The following ARID2 variants were observed in gnomAD, a reference collection of about 807,000 sequenced individuals.
ARID2 encodes the protein AT-rich interactive domain-containing protein 2.
ARID2 carries 32 observed loss-of-function variants against 184.6 expected under a neutral mutation model. The ratio of observed to expected loss-of-function variants is 0.17; its 90% CI spans 0.13 to 0.23. The LOEUF is 0.23. ARID2 is among the 10% of genes least tolerant of loss of function. The pLI, the probability that ARID2 is intolerant of heterozygous loss-of-function variation, is 1.00. For synonymous variants in ARID2, 836 were observed against 772.6 expected (o/e 1.08, Z -1.36); for missense variants, 1,696 against 2,197.6 (o/e 0.77, Z 4.56).
At chr12:45,748,032 G>T (rs1363994839) in intron 3 of ARID2, among the ~76,000 whole-genome samples, 1 of 152,166 alleles carries the variant, frequency 6.6e-6, no homozygotes, top group Non-Finnish European at 1.5e-5. Flanking sequence ...ATATTATACT[G>T]TAGTATATTA....
At chr12:45,830,559 C>T (rs1321038720) in intron 6 of ARID2, among the ~76,000 whole-genome samples, 2 of 152,154 alleles carry the variant, frequency 1.3e-5, no homozygotes, top group Non-Finnish European at 2.9e-5. Context: ...ACTTCATAAA[C>T]TGACCCAGGG....
chr12:45,763,005 G>A (rs1941708466), intron 3 of ARID2, among the ~76,000 whole-genome samples: 1 of 152,172 alleles, frequency 6.6e-6, no homozygotes, highest in African/African-American at 2.4e-5. Flanking sequence ...GGTGCTTATT[G>A]TGTCTTGGAT....
intron 20 of ARID2, among the ~76,000 whole-genome samples, chr12:45,896,861 G>C (rs562406966): frequency 3.4e-4 from 52 of 152,260 alleles, no homozygotes; most frequent in Non-Finnish European, 4.6e-4. Context: ...TTTTCATTTT[G>C]AAGATAAAAC....
At chr12:45,899,605 C>G (rs1425519552) in intron 20 of ARID2, among the ~76,000 whole-genome samples, 1 of 142,042 alleles carries the variant, frequency 7.0e-6, no homozygotes, top group Non-Finnish European at 1.5e-5. Context: ...GATTCCATCT[C>G]AAAATATATA....
chr12:45,789,875 T>G (rs1428274414), intron 3 of ARID2, among the ~76,000 whole-genome samples: 3 of 152,280 alleles, frequency 2.0e-5, no homozygotes, highest in South Asian at 4.1e-4. Flanking sequence ...CTAGCACTTT[T>G]GGATGCCGAG....
intron 3 of ARID2, among the ~76,000 whole-genome samples, chr12:45,745,420 T>C (rs1352823881): frequency 6.6e-6 from 1 of 152,168 alleles, no homozygotes; most frequent in East Asian, 1.9e-4. Context: ...TACTACTGAA[T>C]GATGGAAGGG....
chr12:45,899,515 A>G (rs947454750), intron 20 of ARID2, among the ~76,000 whole-genome samples: 2 of 150,410 alleles, frequency 1.3e-5, no homozygotes, highest in African/African-American at 2.4e-5. Flanking sequence ...CTGAGGCAGG[A>G]GAATGGCGTG....
chr12:45,850,523 T>A lies in ARID2; in HGVS notation c.2400T>A (p.His800Gln), dbSNP rs2138162743. The A allele has an allele frequency of 6.2e-7, 1 of 1,614,078 alleles. No individual in the cohort carries two copies. Among genetic ancestry groups the A allele is most frequent in the East Asian group, 2.2e-5 (1 of 44,874 alleles). The change falls in exon 15 of 21, where the codon CAT becomes CAA. Residue 800 changes from histidine to glutamine, a missense_variant. His to Gln is a conservative substitution (Grantham distance 24). Around this residue, in one of 11 missense-constraint regions of ARID2, gnomAD observed 713 missense variants for 824.4 expected, o/e 0.86. Coordinates refer to ENST00000334344, the MANE Select transcript of ARID2 (RefSeq NM_152641.4). ...TTCAACAAGCTGTCCCACAGAGTCA[T>A]ATGTTTGGCAGAGTACAGAACATAC... ...TVIQQAVPQSHMFGRVQNIPA... is the reference protein window; with the variant it reads ...TVIQQAVPQSQMFGRVQNIPA...
At chr12:45,897,452 A>G (rs1055013250) in intron 20 of ARID2, among the ~76,000 whole-genome samples, 1 of 152,200 alleles carries the variant, frequency 6.6e-6, no homozygotes. Flanking sequence ...TAAAAAGGCA[A>G]CCCATAGAAT....
chr12:45,801,001 A>G (rs1942487500), intron 3 of ARID2, among the ~76,000 whole-genome samples: 1 of 152,210 alleles, frequency 6.6e-6, no homozygotes. Context: ...GTCGAATGCC[A>G]ACTAATAAAT....
Position 45,852,097 on chromosome 12 carries a change from G to A in ARID2, c.3974G>A (p.Gly1325Glu), listed in dbSNP as rs2138175996. ...ETNQCSLISN[G>E]PSLELGENGA... ...AATCAGTGCTCACTAATCAGTAATG[G>A]GCCATCATTGGAATTAGGTGAGAAT... The change falls in exon 15 of 21, where the codon GGG (glycine) becomes GAG (glutamate). Residue 1325 changes from glycine (G) to glutamate (E), a missense_variant. By Grantham distance (98) the Gly-to-Glu change is moderately conservative (BLOSUM62 -2). Coordinates refer to ENST00000334344, the MANE Select transcript of ARID2 (RefSeq NM_152641.4). 1 of 1,614,060 alleles carries A rather than the reference G, an allele frequency of 6.2e-7. No homozygotes were observed. The highest frequency in any genetic ancestry group is 1.1e-5 in the South Asian group (1 of 91,080).
At chr12:45,896,367 CT>C (rs776976462) in intron 20 of ARID2, among the ~76,000 whole-genome samples, 10 of 152,288 alleles carry the variant, frequency 6.6e-5, no homozygotes, top group African/African-American at 9.6e-5. Flanking sequence ...TGCGGTTTGG[CT>C]GTGTCCCCAC....
intron 16 of ARID2, among the ~76,000 whole-genome samples, chr12:45,869,310 C>G (rs986448120): frequency 6.6e-6 from 1 of 152,032 alleles, no homozygotes; most frequent in Admixed American, 6.6e-5. Flanking sequence ...CCACCGTGCC[C>G]GGCCGCGATT....
intron 20 of ARID2, among the ~76,000 whole-genome samples, chr12:45,897,989 G>A (rs1944391827): frequency 2.0e-5 from 3 of 151,818 alleles, no homozygotes; most frequent in South Asian, 4.2e-4. Context: ...GTAGAGACGA[G>A]GTCTCACCAT....
intron 10 of ARID2, among the ~76,000 whole-genome samples, chr12:45,838,582 T>C (rs1943264679): frequency 6.6e-6 from 1 of 151,994 alleles, no homozygotes; most frequent in East Asian, 1.9e-4. Context: ...CTGGGCAACA[T>C]AGTGAGATCT....
intron 3 of ARID2, among the ~76,000 whole-genome samples, chr12:45,799,535 T>C (rs980419710): frequency 6.6e-6 from 1 of 152,206 alleles, no homozygotes; most frequent in Non-Finnish European, 1.5e-5. Flanking sequence ...TATGTAAATC[T>C]GTTATATCTT....
At chr12:45,867,060 C>T (rs1161459177) in intron 16 of ARID2, among the ~76,000 whole-genome samples, 2 of 152,030 alleles carry the variant, frequency 1.3e-5, no homozygotes, top group Non-Finnish European at 2.9e-5. Context: ...AAACGATTCT[C>T]TTGGCTCATC....
intron 3 of ARID2, among the ~76,000 whole-genome samples, chr12:45,785,360 A>G (rs1219083075): frequency 6.6e-6 from 1 of 152,160 alleles, no homozygotes; most frequent in Non-Finnish European, 1.5e-5. Flanking sequence ...TATCATCATC[A>G]TCATCTTTCA....
intron 16 of ARID2, among the ~76,000 whole-genome samples, chr12:45,877,445 G>T (rs2138212669): frequency 6.6e-6 from 1 of 151,974 alleles, no homozygotes; most frequent in East Asian, 1.9e-4. Context: ...CCCCAGATGG[G>T]ACCATCTAGT....
Sources: gnomAD v4.1 joint callset for allele counts (sites outside exome capture counted in the v4.1 genomes callset) on GRCh38, gnomAD v4.1.1 for gene constraint, gnomAD v4.1.1 regional missense constraint, MANE v1.5 for transcripts, NCBI Gene and HGNC (gene_info 2026-07-23, HGNC 2026-07-21) for gene names.